The following XRN1 variants were observed in gnomAD, a reference collection of about 807,000 sequenced individuals.
XRN1 encodes 5'-3' exoribonuclease 1, also known as strand-exchange protein 1 homolog.
A neutral mutation model predicts 222.3 loss-of-function variants in XRN1; 67 were observed. That is an observed-to-expected ratio of 0.30 (90% CI 0.25 to 0.37). XRN1 has a LOEUF of 0.37. Ranked by LOEUF, XRN1 falls within the 10% of genes least tolerant of loss-of-function variation. XRN1 has a pLI of 1.00. For synonymous variants in XRN1, 643 were observed against 652.4 expected (o/e 0.99, Z 0.22); for missense variants, 1,707 against 2,000.2 (o/e 0.85, Z 2.80).
rs113518444 is a variant in XRN1, at chr3:142,328,144, A to G, written c.4404+1290T>C. ...GCTGCAATATACATACAAATCAGGT[A>G]TCTTTTTTATACAATTTCTTTTCCT... is the stretch of plus-strand genomic sequence containing the variant. On this transcript the variant is annotated intron_variant, in intron 37 of 40. Transcript: ENST00000392981. Among the ~76,000 whole-genome samples, 1,256 of 152,286 alleles carry G rather than the reference A, an allele frequency of 8.2e-3. 18 individuals are homozygous for G. The highest frequency in any genetic ancestry group is 0.028 in the African/African-American group (1,149 of 41,544).
At chr3:142,430,476 G>A (rs540527737) in intron 2 of XRN1, among the ~76,000 whole-genome samples, 6 of 152,306 alleles carry the variant, frequency 3.9e-5, no homozygotes, top group African/African-American at 1.4e-4. Context: ...GATAGAGTAA[G>A]TCTTGGGTGG....
At chr3:142,427,862 T>C (rs1220517547) in intron 2 of XRN1, among the ~76,000 whole-genome samples, 6 of 152,262 alleles carry the variant, frequency 3.9e-5, no homozygotes, top group African/African-American at 1.2e-4. Context: ...TTCTACAGCC[T>C]TGCTACTAGC....
chr3:142,372,103 A>G (rs1025273291), intron 25 of XRN1, among the ~76,000 whole-genome samples: 1 of 152,182 alleles, frequency 6.6e-6, no homozygotes. Context: ...TAAAGTTTGT[A>G]TAACAAGCAG....
In XRN1 at chr3:142,447,959, C is replaced by T. The variant is rs970886914; in HGVS notation, c.-15G>A. ...GGGACTCCCATTTCGATCGTCAACA[C>T]TAATCCCAGTCAGGGCCAAACCGAA... On this transcript the variant is annotated 5_prime_UTR_variant, in exon 1 of 41. The change creates a new upstream start codon in the 5' untranslated region. Coordinates refer to ENST00000392981, the MANE Select transcript of XRN1 (RefSeq NM_001282857.2). This position sits in a 1 kb window ranked among gnomAD's most constrained non-coding sequence, Gnocchi z 4.2. 6 of 1,613,382 alleles carry T rather than the reference C, an allele frequency of 3.7e-6. No homozygotes were observed. The East Asian group carries it at 6.7e-5, about 18-fold the overall frequency.
intron 1 of XRN1, chr3:142,435,100 A>C (rs2069816292): frequency 6.6e-6 from 1 of 152,206 alleles, no homozygotes; most frequent in African/African-American, 2.4e-5. Context: ...TGCAAATTAG[A>C]AGTCAACATC....
chr3:142,364,265 T>G (rs1366453866), intron 29 of XRN1, among the ~76,000 whole-genome samples: 1 of 152,208 alleles, frequency 6.6e-6, no homozygotes, highest in Non-Finnish European at 1.5e-5. Context: ...GTTCGGTGCC[T>G]GGGATATATA....
At chr3:142,390,751 C>T (rs2067683259) in intron 20 of XRN1, among the ~76,000 whole-genome samples, 1 of 152,172 alleles carries the variant, frequency 6.6e-6, no homozygotes, top group African/African-American at 2.4e-5. Flanking sequence ...TGCAAGAAGC[C>T]TAGCTTTTGG....
chr3:142,426,196 A>T (rs1221468305), intron 3 of XRN1, among the ~76,000 whole-genome samples: 1 of 152,194 alleles, frequency 6.6e-6, no homozygotes, highest in Non-Finnish European at 1.5e-5. Flanking sequence ...ATTCAAAGTA[A>T]AGAATTATAT....
chr3:142,411,037 C>T (rs980106856), intron 15 of XRN1, among the ~76,000 whole-genome samples: 3 of 152,110 alleles, frequency 2.0e-5, no homozygotes, highest in Non-Finnish European at 1.5e-5. Context: ...AAAGACTATT[C>T]AGATTTTTAT....
chr3:142,425,902 T>G (rs542739539), intron 3 of XRN1, among the ~76,000 whole-genome samples: 1 of 152,222 alleles, frequency 6.6e-6, no homozygotes, highest in South Asian at 2.1e-4. Context: ...GAAGGTTTTT[T>G]TTTTTAAGGC....
intron 30 of XRN1, among the ~76,000 whole-genome samples, chr3:142,357,451 A>C (rs953462368): frequency 2.6e-5 from 4 of 151,842 alleles, no homozygotes; most frequent in African/African-American, 9.7e-5. Flanking sequence ...TTGAGAGATG[A>C]GATCTCACTG....
At chr3:142,333,143 C>A (rs889760112) in intron 34 of XRN1, 54 bp from the exon 35 acceptor site, 1 of 1,548,788 alleles carries the variant, frequency 6.5e-7, no homozygotes, top group Middle Eastern at 1.7e-4. Flanking sequence ...CAAGAACACA[C>A]AAAAAGCTGA....
chr3:142,347,642 G>A (rs937491896), intron 32 of XRN1, among the ~76,000 whole-genome samples: 1 of 151,754 alleles, frequency 6.6e-6, no homozygotes, highest in South Asian at 2.1e-4. Flanking sequence ...TGTTACCAAG[G>A]CTGGAAGTGC....
chr3:142,430,502 A>G (rs1277221378), intron 2 of XRN1, among the ~76,000 whole-genome samples: 1 of 152,196 alleles, frequency 6.6e-6, no homozygotes, highest in Non-Finnish European at 1.5e-5. Context: ...GAGAATTTAA[A>G]TATTACTCAG....
chr3:142,365,758 C>T (rs1228009196), intron 27 of XRN1, among the ~76,000 whole-genome samples: 1 of 152,090 alleles, frequency 6.6e-6, no homozygotes, highest in East Asian at 1.9e-4. Context: ...CCAGAAGTAA[C>T]CTTACTTCTA....
chr3:142,318,971 G>C, intron 37 of XRN1, 68 bp from the exon 38 acceptor site: 2 of 1,216,438 alleles, frequency 1.6e-6, no homozygotes, highest in Non-Finnish European at 1.1e-6. Flanking sequence ...CCAAAGTTTA[G>C]TCTAAACAAG....
chr3:142,376,630 AC>A, intron 23 of XRN1, 36 bp from the exon 24 acceptor site: 1 of 1,389,736 alleles, frequency 7.2e-7, no homozygotes, highest in Non-Finnish European at 1.0e-6. Flanking sequence ...AATTATGGAA[AC>A]ACAAGTTTAC....
intron 20 of XRN1, among the ~76,000 whole-genome samples, chr3:142,396,411 TATTAA>T (rs765923960): frequency 1.3e-5 from 2 of 152,242 alleles, no homozygotes; most frequent in Non-Finnish European, 2.9e-5. Context: ...AAGAAAGAGT[TATTAA>T]ATTAATCATA....
chr3:142,406,629 T>C (rs1246863238), intron 15 of XRN1, among the ~76,000 whole-genome samples: 1 of 151,982 alleles, frequency 6.6e-6, no homozygotes, highest in African/African-American at 2.4e-5. Flanking sequence ...TGGGCTCAAG[T>C]GATCCTCTCA....
Sources: gnomAD v4.1 joint callset for allele counts (sites outside exome capture counted in the v4.1 genomes callset) on GRCh38, gnomAD v4.1.1 for gene constraint, Gnocchi (gnomAD v3.1) non-coding constraint, MANE v1.5 for transcripts, NCBI Gene and HGNC (gene_info 2026-07-23, HGNC 2026-07-21) for gene names.